The following ANKRD13C variants were observed in gnomAD, a reference collection of about 807,000 sequenced individuals.
ANKRD13C encodes ankyrin repeat domain 13C, also known as ankyrin repeat domain-containing protein 13C.
A neutral mutation model predicts 65.5 loss-of-function variants in ANKRD13C; 16 were observed. The observed-to-expected ratio is 0.24, with a 90% confidence interval of 0.17 to 0.37. ANKRD13C has a LOEUF of 0.37. ANKRD13C is among the 10% of genes least tolerant of loss of function. ANKRD13C has a pLI of 1.00. For synonymous variants in ANKRD13C, 235 were observed against 238.7 expected (o/e 0.98, Z 0.14); for missense variants, 503 against 655.9 (o/e 0.77, Z 2.55).
Position 70,324,938 on chromosome 1 carries a change from CAA to C in ANKRD13C, c.490_491del (p.Leu164GlyfsTer26), listed in dbSNP as rs1274234127. 1 of 1,610,156 alleles carries C rather than the reference CAA, an allele frequency of 6.2e-7. No individual in the cohort carries two copies. Among genetic ancestry groups the C allele is most frequent in the Non-Finnish European group, 8.5e-7 (1 of 1,177,892 alleles). On this transcript the variant is annotated frameshift_variant, in exon 3 of 13. Coordinates refer to ENST00000370944, the MANE Select transcript of ANKRD13C (RefSeq NM_030816.5). LOFTEE classifies it high-confidence loss of function. The part of the protein sequence containing the change: ...LGNKECAHLL[L>X]AHNAPVKVKN... ...TCACCTTGACTGGAGCATTGTGAGC[CAA>C]AAGTAAATGGGCACATTCTGCAATA...
At chr1:70,352,046 A>C (rs1682762551) in intron 1 of ANKRD13C, among the ~76,000 whole-genome samples, 1 of 152,198 alleles carries the variant, frequency 6.6e-6, no homozygotes, top group South Asian at 2.1e-4. Context: ...CCTTTAAAAA[A>C]GTGAATTTCA....
intron 3 of ANKRD13C, among the ~76,000 whole-genome samples, chr1:70,317,628 T>G (rs1408686445): frequency 6.6e-6 from 1 of 152,156 alleles, no homozygotes; most frequent in Non-Finnish European, 1.5e-5. Flanking sequence ...TAGATAATCA[T>G]TTAAAGATTC....
chr1:70,336,366 T>C (rs1009574787), intron 1 of ANKRD13C, among the ~76,000 whole-genome samples: 2 of 152,226 alleles, frequency 1.3e-5, no homozygotes, highest in Admixed American at 1.3e-4. Context: ...TTCCTTTTGC[T>C]GCTAATTTCT....
intron 9 of ANKRD13C, among the ~76,000 whole-genome samples, chr1:70,286,599 TAAAAG>T (rs1209722085): frequency 6.6e-6 from 1 of 151,716 alleles, no homozygotes; most frequent in Non-Finnish European, 1.5e-5. Context: ...GAAAAACAAA[TAAAAG>T]AAATAAGAAC....
rs1679056590 is a variant in ANKRD13C at position 70,274,749 on chromosome 1, C to T, written c.1365G>A (p.Met455Ile). The change falls in exon 11 of 13, where the codon ATG becomes ATA. Residue 455 changes from methionine (M) to isoleucine (I), a missense_variant. Coordinates refer to ENST00000370944, the MANE Select transcript of ANKRD13C (RefSeq NM_030816.5). Reference protein sequence around the residue: ...SKKTFKATIAMSQEFPLGIEL... With the variant: ...SKKTFKATIAISQEFPLGIEL... ...CTATCCCTAAGGGAAATTCCTGGCTCATGGCTATCGTAGCTTTAAACGTTT... is the reference window on the plus strand; with the variant it reads ...CTATCCCTAAGGGAAATTCCTGGCTTATGGCTATCGTAGCTTTAAACGTTT... The T allele has an allele frequency of 6.2e-7, 1 of 1,613,584 alleles. No individual in the cohort carries two copies. Among genetic ancestry groups the T allele is most frequent in the South Asian group, 1.1e-5 (1 of 91,064 alleles).
intron 1 of ANKRD13C, among the ~76,000 whole-genome samples, chr1:70,341,178 A>AT (rs1396862007): frequency 6.6e-6 from 1 of 151,984 alleles, no homozygotes; most frequent in East Asian, 1.9e-4. Context: ...CATGGAATAT[A>AT]TTTTTCAATC....
chr1:70,281,875 C>T (rs1345373409), intron 9 of ANKRD13C, among the ~76,000 whole-genome samples: 6 of 151,108 alleles, frequency 4.0e-5, no homozygotes, highest in South Asian at 4.2e-4. Context: ...GGTGAAACCC[C>T]GTCTCTACTA....
At chr1:70,338,860 G>A (rs1358067547) in intron 1 of ANKRD13C, among the ~76,000 whole-genome samples, 1 of 152,134 alleles carries the variant, frequency 6.6e-6, no homozygotes, top group African/African-American at 2.4e-5. Context: ...TCTAGAATAA[G>A]GTCCTCTTCC....
intron 12 of ANKRD13C, among the ~76,000 whole-genome samples, chr1:70,267,762 T>C (rs955299828): frequency 3.3e-5 from 5 of 152,174 alleles, no homozygotes; most frequent in African/African-American, 9.7e-5. Context: ...TATGGTGTTT[T>C]TGAGTTATCT....
At chr1:70,270,774 A>T in intron 12 of ANKRD13C, 82 bp downstream of exon 12, 2 of 982,622 alleles carry the variant, frequency 2.0e-6, no homozygotes, top group Non-Finnish European at 3.1e-6. Context: ...CCCCTGCTTT[A>T]AAAGAAATTG....
chr1:70,330,574 C>CAAAAAAAAAAAAAAAAAAAAAAAAAAA (rs71071394), intron 2 of ANKRD13C, among the ~76,000 whole-genome samples: 1 of 68,388 alleles, frequency 1.5e-5, no homozygotes, highest in Non-Finnish European at 2.8e-5. Context: ...ACAAACAAAC[C>CAAAAAAAAAAAAAAAAAAAAAAAAAAA]AAAAAAAAAA....
At chr1:70,288,643 T>TTTTG (rs1679726128) in intron 9 of ANKRD13C, among the ~76,000 whole-genome samples, 2 of 152,188 alleles carry the variant, frequency 1.3e-5, no homozygotes, top group South Asian at 4.1e-4. Context: ...TTCAAAAGGC[T>TTTTG]AAGTACTATA....
intron 1 of ANKRD13C, among the ~76,000 whole-genome samples, chr1:70,336,315 A>G (rs1421449420): frequency 6.6e-6 from 1 of 152,120 alleles, no homozygotes; most frequent in African/African-American, 2.4e-5. Flanking sequence ...AAAAAAAAGG[A>G]TATCCATTTT....
In ANKRD13C at chr1:70,270,874, C is replaced by T; in HGVS notation, c.1477G>A (p.Gly493Ser). ...REFVQMKLPP[G>S]FPVKLDIPVF... ...CTCTTACCTAATTTTACAGGAAAGC[C>T]TGGAGGAAGCTTCATCTGAACAAAT... The change falls in exon 12 of 13, where the codon GGC (glycine) becomes AGC (serine). Residue 493 changes from glycine (G) to serine (S), a missense_variant. This residue lies in a region of ANKRD13C where 300 missense variants were observed against 478.3 expected (regional missense o/e 0.63). Coordinates refer to ENST00000370944, the MANE Select transcript of ANKRD13C (RefSeq NM_030816.5). 6.2e-7 allele frequency: 1 copy of T among 1,611,092 alleles called. No individual in the cohort carries two copies. The highest frequency in any genetic ancestry group is 8.5e-7 in the Non-Finnish European group (1 of 1,177,960).
At chr1:70,292,269 G>T in intron 9 of ANKRD13C, 119 bp downstream of exon 9, 2 of 674,636 alleles carry the variant, frequency 3.0e-6, no homozygotes, top group Non-Finnish European at 4.5e-6. Flanking sequence ...ACAGAAAAAG[G>T]TAACACACAG....
At position 70,275,853 on chromosome 1, in the gene ANKRD13C, C is replaced by T. The variant is rs555888439; in HGVS notation, c.1295+912G>A. 7.9e-4 allele frequency among the ~76,000 whole-genome samples: 119 copies of T among 149,958 alleles called. 1 individual carries two copies. The highest frequency in any genetic ancestry group is 2.8e-3 in the African/African-American group (112 of 40,616). ...GAGCGCACCTGTATTCCCAGCCACT[C>T]GAGAGGCTGAGGTGAGAAAATGGCT... On this transcript the variant is annotated intron_variant, in intron 10 of 12. Transcript: ENST00000370944.
chr1:70,352,893 T>C lies in ANKRD13C; in HGVS notation c.430+1086A>G, dbSNP rs12036256. 3.3e-5 allele frequency among the ~76,000 whole-genome samples: 5 copies of C among 152,258 alleles called. No individual in the cohort carries two copies. In the East Asian group the frequency reaches 9.6e-4, roughly 29 times the overall value. ...TCTGAAAACAAATGCAGTTGTTAGA[T>C]AATTATACAGCCAAGAGAAATCTTA... On this transcript the variant is annotated intron_variant, in intron 1 of 12. Coordinates refer to ENST00000370944, the MANE Select transcript of ANKRD13C (RefSeq NM_030816.5).
At chr1:70,308,042 C>A (rs1252117968) in intron 5 of ANKRD13C, among the ~76,000 whole-genome samples, 1 of 152,174 alleles carries the variant, frequency 6.6e-6, no homozygotes, top group African/African-American at 2.4e-5. Flanking sequence ...GATCAAAGTT[C>A]TTTCATGCTC....
chr1:70,315,919 T>C (rs1263533755), intron 3 of ANKRD13C, among the ~76,000 whole-genome samples: 1 of 152,170 alleles, frequency 6.6e-6, no homozygotes, highest in Non-Finnish European at 1.5e-5. Context: ...CTATACCATA[T>C]TCACACTAGC....
Sources: gnomAD v4.1 joint callset for allele counts (sites outside exome capture counted in the v4.1 genomes callset) on GRCh38, gnomAD v4.1.1 for gene constraint, gnomAD v4.1.1 regional missense constraint, MANE v1.5 for transcripts, NCBI Gene and HGNC (gene_info 2026-07-23, HGNC 2026-07-21) for gene names.